RBFOX1: variants seen among roughly 807,000 people sequenced by gnomAD.
RBFOX1 encodes the protein RNA binding protein fox-1 homolog 1.
Under a neutral mutation model 57.7 loss-of-function variants are expected in RBFOX1, and 8 were observed. The ratio of observed to expected loss-of-function variants is 0.14; its 90% CI spans 0.08 to 0.25. The LOEUF (loss-of-function observed/expected upper bound fraction) is 0.25. Among genes scored for constraint, RBFOX1 ranks in the 10% least tolerant of loss-of-function variants. The pLI is 1.00. For missense variants in RBFOX1, 611 were observed against 548.5 expected, an observed-to-expected ratio of 1.11 and a Z score of -1.14; for synonymous variants, 326 against 222.4, an observed-to-expected ratio of 1.47 and a Z score of -4.15.
intron 3 of RBFOX1, among the ~76,000 whole-genome samples, chr16:6,760,350 C>T (rs1308302604): frequency 6.6e-6 from 1 of 152,116 alleles, no homozygotes; most frequent in African/African-American, 2.4e-5. Flanking sequence ...AAGATGGTTT[C>T]AGTCTTTTGT....
At chr16:6,915,625 A>C (rs1473733879) in intron 3 of RBFOX1, among the ~76,000 whole-genome samples, 1 of 143,266 alleles carries the variant, frequency 7.0e-6, no homozygotes, top group African/African-American at 2.6e-5. Context: ...ATCTCAGGTC[A>C]CTGCAACCTC....
intron 3 of RBFOX1, among the ~76,000 whole-genome samples, chr16:6,671,084 A>G (rs1024215446): frequency 4.6e-5 from 7 of 152,244 alleles, no homozygotes; most frequent in Non-Finnish European, 1.5e-5. Context: ...ACTCATACGT[A>G]TGAACAACCA....
At chr16:7,001,341 A>G (rs926308405) in intron 3 of RBFOX1, among the ~76,000 whole-genome samples, 20 of 141,428 alleles carry the variant, frequency 1.4e-4, no homozygotes, top group Admixed American at 4.2e-4. Flanking sequence ...CCTGGCCCTG[A>G]CTCTGTGTGT....
chr16:5,433,217 T>C (rs990344022), intron 1 of RBFOX1, among the ~76,000 whole-genome samples: 1 of 152,174 alleles, frequency 6.6e-6, no homozygotes, highest in Admixed American at 6.5e-5. Context: ...CTTGATTCTC[T>C]TGGAAGCTGT....
chr16:5,795,257 T>C (rs1010475215), intron 3 of RBFOX1, among the ~76,000 whole-genome samples: 2 of 152,072 alleles, frequency 1.3e-5, no homozygotes. Flanking sequence ...TTGGTTCCTG[T>C]TAAGGACCAA....
At chr16:7,683,647 C>T (rs184489046) in intron 14 of RBFOX1, among the ~76,000 whole-genome samples, 2 of 152,130 alleles carry the variant, frequency 1.3e-5, no homozygotes, top group Non-Finnish European at 2.9e-5. Flanking sequence ...GGCCTAATTA[C>T]ACACTTTTTA....
At chr16:6,005,630 C>G (rs1038348907) in intron 4 of RBFOX1, among the ~76,000 whole-genome samples, 2 of 152,202 alleles carry the variant, frequency 1.3e-5, no homozygotes, top group Non-Finnish European at 2.9e-5. Flanking sequence ...CCACTGGATA[C>G]CACAAGCATC....
At chr16:5,979,419 C>T (rs767594102) in intron 4 of RBFOX1, among the ~76,000 whole-genome samples, 1 of 152,172 alleles carries the variant, frequency 6.6e-6, no homozygotes, top group Non-Finnish European at 1.5e-5. Flanking sequence ...AGAGAGGAAA[C>T]ATTCATTCAA....
chr16:6,192,662 C>G (rs1242380088), intron 1 of RBFOX1, among the ~76,000 whole-genome samples: 2 of 152,152 alleles, frequency 1.3e-5, no homozygotes, highest in East Asian at 1.9e-4. Context: ...TACCATGTAA[C>G]TCTCAATATG....
intron 3 of RBFOX1, among the ~76,000 whole-genome samples, chr16:6,878,023 T>G (rs1273146331): frequency 6.6e-6 from 1 of 152,054 alleles, no homozygotes; most frequent in East Asian, 1.9e-4. Flanking sequence ...TTAAGGATGT[T>G]GTTGCCTCTA....
intron 4 of RBFOX1, among the ~76,000 whole-genome samples, chr16:5,954,114 C>A (rs1350200333): frequency 6.6e-6 from 1 of 152,158 alleles, no homozygotes; most frequent in Non-Finnish European, 1.5e-5. Context: ...ATGACGCAGT[C>A]CAAACGTCAG....
chr16:7,195,796 G>A (rs895858564), intron 4 of RBFOX1, among the ~76,000 whole-genome samples: 1 of 152,092 alleles, frequency 6.6e-6, no homozygotes, highest in Admixed American at 6.6e-5. Flanking sequence ...CAGGTAATCT[G>A]CCTGCCTCTG....
chr16:5,371,090 G>A (rs1412532210), intron 1 of RBFOX1, among the ~76,000 whole-genome samples: 1 of 152,196 alleles, frequency 6.6e-6, no homozygotes, highest in Non-Finnish European at 1.5e-5. Flanking sequence ...TGGGACTACA[G>A]GTGTGCGCCA....
chr16:5,827,091 G>A (rs189931633), intron 3 of RBFOX1, among the ~76,000 whole-genome samples: 36 of 152,130 alleles, frequency 2.4e-4, no homozygotes, highest in Non-Finnish European at 4.9e-4. Flanking sequence ...TTTCACACAT[G>A]AGACCCTCCT....
At chr16:7,508,578 G>T (rs1303181428) in intron 4 of RBFOX1, among the ~76,000 whole-genome samples, 1 of 152,148 alleles carries the variant, frequency 6.6e-6, no homozygotes, top group Non-Finnish European at 1.5e-5. Flanking sequence ...CTCTCACTCT[G>T]TGATGCATTG....
intron 5 of RBFOX1, among the ~76,000 whole-genome samples, chr16:7,556,779 A>G (rs1478793161): frequency 1.3e-5 from 2 of 152,222 alleles, no homozygotes. Flanking sequence ...ATGGGGATAA[A>G]TGGTATAACC....
rs71142649 is a variant in RBFOX1, at chr16:5,729,396, C to CTTT, written c.318+130452_318+130454dup. ...ACAGCTAGCTTTTTTTTTTTCTTTT[C>CTTT]TTTTTTTTTTTTTTTTTTTGCCAGC... On this transcript the variant is annotated intron_variant, in intron 3 of 19. Transcript: ENST00000641259. 4.3e-3 allele frequency among the ~76,000 whole-genome samples: 483 copies of CTTT among 111,430 alleles called. 5 individuals carry two copies. The highest frequency in any genetic ancestry group is 0.015 in the African/African-American group (449 of 29,130). 73.1% of individuals were successfully genotyped at this position (111,430 alleles called of 152,430 possible). A position where few individuals can be genotyped will look rare whatever the true frequency, so the allele number is the denominator to read the frequency against.
At chr16:7,448,057 G>T (rs1387320505) in intron 4 of RBFOX1, among the ~76,000 whole-genome samples, 1 of 152,164 alleles carries the variant, frequency 6.6e-6, no homozygotes, top group East Asian at 1.9e-4. Context: ...TAAAACAACT[G>T]ACTAATCTAA....
chr16:7,052,376 T>G (rs912914850), intron 4 of RBFOX1, among the ~76,000 whole-genome samples: 2 of 152,220 alleles, frequency 1.3e-5, no homozygotes, highest in South Asian at 2.1e-4. Flanking sequence ...TTGTACTCTT[T>G]TTATGTACAA....
Sources: allele counts gnomAD v4.1 joint callset (sites outside exome capture counted in the v4.1 genomes callset), GRCh38; gene constraint gnomAD v4.1.1; transcripts MANE v1.5; gene names NCBI Gene and HGNC (gene_info 2026-07-23, HGNC 2026-07-21).